PRSS23: variants seen among roughly 807,000 people sequenced by gnomAD.
The protein encoded by PRSS23 is serine protease 23, also known as protease, serine 23.
A neutral mutation model predicts 34.7 loss-of-function variants in PRSS23; 25 were observed. The observed-to-expected ratio is 0.72, with a 90% CI of 0.53 to 1.01. The LOEUF is 1.01. Among genes scored for constraint, PRSS23 ranks in the 50% least tolerant of loss-of-function variants. The pLI, the probability that PRSS23 is intolerant of heterozygous loss-of-function variation, is 0.00. For synonymous variants in PRSS23, 176 were observed against 186.6 expected, an observed-to-expected ratio of 0.94 and a Z score of 0.46; for missense variants, 445 against 475.6, an observed-to-expected ratio of 0.94 and a Z score of 0.60.
chr11:86,792,718 G>A (rs1241265033), intron 1 of PRSS23, among the ~76,000 whole-genome samples: 5 of 152,180 alleles, frequency 3.3e-5, no homozygotes, highest in Admixed American at 3.3e-4. Context: ...CATTGTGTTA[G>A]GCCTTTGAAA....
chr11:86,853,483 G>C (rs1363542887), intron 2 of PRSS23, among the ~76,000 whole-genome samples: 1 of 151,968 alleles, frequency 6.6e-6, no homozygotes, highest in African/African-American at 2.4e-5. Context: ...TCGAACTCCT[G>C]ACCTCAGGTG....
At chr11:86,873,472 G>A (rs910612563) in intron 2 of PRSS23, among the ~76,000 whole-genome samples, 2 of 151,560 alleles carry the variant, frequency 1.3e-5, no homozygotes, top group South Asian at 2.1e-4. Context: ...TAGTAGAGTC[G>A]GGGTTTTCCT....
At chr11:86,911,227 A>G (rs1452228475) in intron 2 of PRSS23, 1 of 152,118 alleles carries the variant, frequency 6.6e-6, no homozygotes, top group Non-Finnish European at 1.5e-5. Flanking sequence ...AGAGTATTTT[A>G]TATATAATTA....
intron 2 of PRSS23, among the ~76,000 whole-genome samples, chr11:86,900,971 G>A (rs573837203): frequency 1.0e-3 from 158 of 151,894 alleles, no homozygotes; most frequent in Non-Finnish European, 1.9e-3. Context: ...TTTTAGTAGA[G>A]ATGGGGTTTC....
At chr11:86,895,659 C>T (rs1462976226) in intron 2 of PRSS23, among the ~76,000 whole-genome samples, 2 of 151,672 alleles carry the variant, frequency 1.3e-5, no homozygotes, top group Non-Finnish European at 2.9e-5. Flanking sequence ...TTTATATTTT[C>T]TATAGAGATG....
intron 2 of PRSS23, among the ~76,000 whole-genome samples, chr11:86,880,353 T>G (rs1948764549): frequency 6.6e-6 from 1 of 151,424 alleles, no homozygotes; most frequent in South Asian, 2.1e-4. Context: ...GAGACCTTTG[T>G]TCACTTGTTT....
chr11:86,845,806 T>C (rs563193449), intron 2 of PRSS23, among the ~76,000 whole-genome samples: 4 of 152,336 alleles, frequency 2.6e-5, no homozygotes, highest in African/African-American at 9.6e-5. Context: ...TGTTAACTGC[T>C]CATTTTTCTG....
chr11:86,873,073 G>A (rs1287816695), intron 2 of PRSS23, among the ~76,000 whole-genome samples: 1 of 151,830 alleles, frequency 6.6e-6, no homozygotes, highest in East Asian at 1.9e-4. Flanking sequence ...TATTTCAGGG[G>A]CTATGGTGGA....
chr11:86,828,718 C>T (rs1351758905), intron 2 of PRSS23, among the ~76,000 whole-genome samples: 12 of 152,190 alleles, frequency 7.9e-5, no homozygotes, highest in South Asian at 2.1e-4. Flanking sequence ...GGCATTTGCT[C>T]GTCTGTAAAG....
At chr11:86,935,983 GAATGACTGCC>G (rs1049188384) in intron 2 of PRSS23, 2 of 152,184 alleles carry the variant, frequency 1.3e-5, no homozygotes, top group Admixed American at 6.5e-5. Flanking sequence ...ACAGGGCTCT[GAATGACTGCC>G]CATGTTGCAA....
At chr11:86,792,307 A>T (rs1355366636) in intron 1 of PRSS23, among the ~76,000 whole-genome samples, 2 of 152,124 alleles carry the variant, frequency 1.3e-5, no homozygotes, top group African/African-American at 4.8e-5. Context: ...CTACTCGGCA[A>T]TTGGAAGCAG....
intron 2 of PRSS23, among the ~76,000 whole-genome samples, chr11:86,836,472 G>A (rs553659500): frequency 3.3e-5 from 5 of 152,250 alleles, no homozygotes; most frequent in African/African-American, 1.2e-4. Flanking sequence ...GAACAAATGG[G>A]TGTTCCTTTT....
At chr11:86,831,796 C>T (rs1234151961) in intron 2 of PRSS23, among the ~76,000 whole-genome samples, 1 of 151,914 alleles carries the variant, frequency 6.6e-6, no homozygotes, top group Non-Finnish European at 1.5e-5. Flanking sequence ...AGAGATGTTA[C>T]TCCTAGTGTC....
chr11:86,841,929 T>G (rs1433489791), intron 2 of PRSS23, among the ~76,000 whole-genome samples: 1 of 152,228 alleles, frequency 6.6e-6, no homozygotes, highest in East Asian at 1.9e-4. Flanking sequence ...CTAACTCATT[T>G]TATAAGACCA....
At chr11:86,800,135 T>G (rs1244579129), upstream of PRSS23, 1 of 152,216 alleles carries the variant, frequency 6.6e-6, no homozygotes, top group Non-Finnish European at 1.5e-5. Flanking sequence ...GGGGACCTGG[T>G]CTTTTTGCGA....
At chr11:86,854,113 G>T (rs1288985109) in intron 2 of PRSS23, among the ~76,000 whole-genome samples, 1 of 152,176 alleles carries the variant, frequency 6.6e-6, no homozygotes, top group South Asian at 2.1e-4. Flanking sequence ...CCATTCTCCT[G>T]CCTCAGCCTC....
Position 86,807,995 on chromosome 11 carries a change from T to A in PRSS23, c.352T>A (p.Ser118Thr), listed in dbSNP as rs374469283. 5 of 1,613,806 alleles carry A rather than the reference T, an allele frequency of 3.1e-6. No individual in the cohort carries two copies. The highest frequency in any genetic ancestry group is 4.2e-6 in the Non-Finnish European group (5 of 1,179,986). The change falls in exon 2 of 2, where the codon TCA (serine) becomes ACA (threonine). Residue 118 changes from serine (S) to threonine (T), a missense_variant. Physicochemically the swap from Ser to Thr is moderately conservative, Grantham distance 58. Coordinates refer to ENST00000280258, the MANE Select transcript of PRSS23 (RefSeq NM_007173.6). ...TGGAGATGGGGCCCAACACCGAGAC[T>A]CAGGGTCTTCAGGAAAGTCTCGAAG... ...SSGDGAQHRD[S>T]GSSGKSRRKR...
At chr11:86,834,343 A>G (rs1397274511) in intron 2 of PRSS23, among the ~76,000 whole-genome samples, 1 of 152,098 alleles carries the variant, frequency 6.6e-6, no homozygotes, top group Non-Finnish European at 1.5e-5. Context: ...GGAGGAAACT[A>G]TGTCCTCCTG....
intron 2 of PRSS23, among the ~76,000 whole-genome samples, chr11:86,884,935 T>G (rs1948792777): frequency 6.6e-6 from 1 of 152,210 alleles, no homozygotes; most frequent in South Asian, 2.1e-4. Context: ...ATTATGCCAT[T>G]TCCCCAAACA....
Sources: gnomAD v4.1 joint callset for allele counts (sites outside exome capture counted in the v4.1 genomes callset) on GRCh38, gnomAD v4.1.1 for gene constraint, MANE v1.5 for transcripts, NCBI Gene and HGNC (gene_info 2026-07-23, HGNC 2026-07-21) for gene names.